CACNA1C: variants seen among roughly 807,000 people sequenced by gnomAD.
The protein encoded by CACNA1C is voltage-dependent L-type calcium channel subunit alpha-1C.
Under a neutral mutation model 229.0 loss-of-function variants are expected in CACNA1C, and 30 were observed. That is an observed-to-expected ratio of 0.13 (90% CI 0.10 to 0.18). The LOEUF (loss-of-function observed/expected upper bound fraction) is 0.18. CACNA1C is among the 10% of genes least tolerant of loss of function. CACNA1C has a pLI of 1.00. For missense variants in CACNA1C, 1,658 were observed against 2,845.0 expected, an observed-to-expected ratio of 0.58 and a Z score of 9.49; for synonymous variants, 1,114 against 1,132.5, an observed-to-expected ratio of 0.98 and a Z score of 0.33.
intron 1 of CACNA1C, among the ~76,000 whole-genome samples, chr12:1,981,228 C>T (rs1331363559): frequency 2.0e-5 from 3 of 152,152 alleles, no homozygotes; most frequent in Admixed American, 6.5e-5. Context: ...CTCACTGCTT[C>T]GGGTTTCTAC....
chr12:2,178,742 T>A (rs994036789), intron 3 of CACNA1C, among the ~76,000 whole-genome samples: 4 of 152,076 alleles, frequency 2.6e-5, no homozygotes. Context: ...TCTTCCCCCG[T>A]ACAAATTCAC....
rs541705112 is a variant in CACNA1C, at chr12:2,634,279, C to T, written c.3829-18C>T. The stretch of plus-strand genomic sequence containing the variant: ...TGGTTCTTCTTCTCTCTCTCCCCGG[C>T]TGCTCTGCCCCATGCAGCACTATTT... On this transcript the variant is annotated intron_variant, in intron 29 of 46. Coordinates refer to ENST00000399655, the MANE Select transcript of CACNA1C (RefSeq NM_000719.7). 43 of 1,414,478 alleles carry T rather than the reference C, an allele frequency of 3.0e-5. 1 individual carries two copies. In the South Asian group the frequency reaches 5.0e-4, roughly 16 times the overall value. 87.6% of individuals were successfully genotyped at this position (1,414,478 alleles called of 1,614,324 possible).
At chr12:2,561,474 T>C (rs2047456012) in intron 11 of CACNA1C, among the ~76,000 whole-genome samples, 1 of 152,188 alleles carries the variant, frequency 6.6e-6, no homozygotes, top group African/African-American at 2.4e-5. Context: ...AACTATTTCT[T>C]GGATGTGTAA....
chr12:1,981,185 G>A (rs1214546813), intron 1 of CACNA1C, among the ~76,000 whole-genome samples: 1 of 152,162 alleles, frequency 6.6e-6, no homozygotes, highest in African/African-American at 2.4e-5. Context: ...ACCTTGAGAA[G>A]CTGAGCGGCT....
chr12:2,171,581 C>A (rs2096482947), intron 3 of CACNA1C, among the ~76,000 whole-genome samples: 3 of 152,244 alleles, frequency 2.0e-5, no homozygotes, highest in Admixed American at 2.0e-4. Flanking sequence ...TCCTCCCTCC[C>A]TTCTTCGTTT....
rs1210475282 is a variant in CACNA1C at position 2,630,176 on chromosome 12, T to TG, written c.3829-4118dup. Among the ~76,000 whole-genome samples, 3 of 152,220 alleles carry TG rather than the reference T, an allele frequency of 2.0e-5. No homozygotes were observed. Among genetic ancestry groups the TG allele is most frequent in the Non-Finnish European group, 4.4e-5 (3 of 68,046 alleles). On this transcript the variant is annotated intron_variant, in intron 29 of 46. Transcript: ENST00000399655. The surrounding 1 kb of genome is among the most constrained non-coding windows in gnomAD (Gnocchi z 5.4). ...TCCAACCCCTTACTTCTCAACCATT[T>TG]GGGACACAGTCACCAGAGAAATAAG... is the stretch of plus-strand genomic sequence containing the variant.
chr12:2,581,866 G>T (rs1425113560), intron 14 of CACNA1C, 69 bp downstream of exon 14: 6 of 971,178 alleles, frequency 6.2e-6, no homozygotes, highest in Non-Finnish European at 9.7e-6. Flanking sequence ...GAGGAGTGTG[G>T]GAAGCTGCAC....
chr12:2,525,637 A>G (rs1404531147), intron 9 of CACNA1C, among the ~76,000 whole-genome samples: 2 of 121,408 alleles, frequency 1.6e-5, no homozygotes, highest in Non-Finnish European at 3.3e-5. Context: ...ATTCCAAGCA[A>G]CTCAGCCTAT....
intron 3 of CACNA1C, among the ~76,000 whole-genome samples, chr12:2,223,749 C>A (rs191726430): frequency 6.6e-6 from 1 of 152,080 alleles, no homozygotes; most frequent in Non-Finnish European, 1.5e-5. Context: ...TTGTACCCTA[C>A]GTACATTAGA....
At position 2,582,886 on chromosome 12, in the gene CACNA1C, C is replaced by T; in HGVS notation, c.2168C>T (p.Ser723Phe). ...YDGIMAYGGP[S>F]FPGMLVCIYF... ...GGGATCATGGCTTATGGCGGCCCCT[C>T]TTTTCCAGGGATGTTAGTCTGTATT... is the stretch of plus-strand genomic sequence containing the variant. The change falls in exon 15 of 47, where the codon TCT becomes TTT. Residue 723 changes from serine (S) to phenylalanine (F), a missense_variant. By Grantham distance (155) the Ser-to-Phe change is radical (BLOSUM62 -2). Coordinates refer to ENST00000399655, the MANE Select transcript of CACNA1C (RefSeq NM_000719.7). 6.2e-7 allele frequency: 1 copy of T among 1,608,526 alleles called. No homozygotes were observed. The highest frequency in any genetic ancestry group is 8.5e-7 in the Non-Finnish European group (1 of 1,176,952).
At chr12:2,107,110 A>G in intron 1 of CACNA1C, among the ~76,000 whole-genome samples, 1 of 127,730 alleles carries the variant, frequency 7.8e-6, no homozygotes, top group Non-Finnish European at 1.7e-5. Context: ...GGTGTCCTGA[A>G]GCCACTGGGT....
chr12:2,365,299 C>A (rs772146756), intron 3 of CACNA1C, among the ~76,000 whole-genome samples: 1 of 152,116 alleles, frequency 6.6e-6, no homozygotes. Flanking sequence ...CAAAAGAAAT[C>A]GGTAATTTTA....
chr12:2,321,441 T>G (rs2095993276), intron 3 of CACNA1C, among the ~76,000 whole-genome samples: 1 of 152,164 alleles, frequency 6.6e-6, no homozygotes, highest in African/African-American at 2.4e-5. Context: ...GCAATACTGC[T>G]TAGCCTTGTG....
rs548852817 is a variant in CACNA1C, at chr12:2,045,323, A to G, written c.140-69901A>G. Among the ~76,000 whole-genome samples, 27 of 152,346 alleles carry G rather than the reference A, an allele frequency of 1.8e-4. No homozygotes were observed. In the South Asian group the frequency reaches 5.6e-3, roughly 32 times the overall value. ...AGCTTCCTTTGAGAAGACATTTTCT[A>G]TCTAGCTCCATTGAATACGTTTGAA... On this transcript the variant is annotated intron_variant, in intron 1 of 46. Transcript: ENST00000682462.
chr12:2,397,708 C>A (rs2098608092), intron 3 of CACNA1C, among the ~76,000 whole-genome samples: 2 of 152,238 alleles, frequency 1.3e-5, no homozygotes, highest in African/African-American at 4.8e-5. Flanking sequence ...GATGGAAACA[C>A]CCCATCACCT....
At chr12:2,178,977 G>A (rs1216362683) in intron 3 of CACNA1C, among the ~76,000 whole-genome samples, 6 of 152,062 alleles carry the variant, frequency 3.9e-5, no homozygotes, top group East Asian at 3.9e-4. Context: ...CAGGAGAATC[G>A]CTTGAACCCA....
At chr12:2,276,557 A>T (rs1566829124) in intron 3 of CACNA1C, among the ~76,000 whole-genome samples, 2 of 152,182 alleles carry the variant, frequency 1.3e-5, no homozygotes, top group Non-Finnish European at 2.9e-5. Flanking sequence ...TTCTTGCTAG[A>T]ACCTTTAGAG....
intron 3 of CACNA1C, among the ~76,000 whole-genome samples, chr12:2,369,642 G>A (rs888291989): frequency 7.2e-5 from 11 of 152,096 alleles, no homozygotes; most frequent in African/African-American, 2.7e-4. Flanking sequence ...GACCTCAGGT[G>A]ATCCTCCCGC....
In CACNA1C at chr12:2,192,999, C is replaced by T. The variant is rs116463401; in HGVS notation, c.477+72569C>T. Among the ~76,000 whole-genome samples the T allele has an allele frequency of 4.5e-3, 690 of 152,340 alleles. 6 individuals carry two copies. The highest frequency in any genetic ancestry group is 0.015 in the African/African-American group (603 of 41,576). Reference sequence around the variant, plus strand: ...TCTGTTTGAGCAGATTTCCCCACCTCGGATTCAAGATGTCATTCCATGTAG... The same window carrying T: ...TCTGTTTGAGCAGATTTCCCCACCTTGGATTCAAGATGTCATTCCATGTAG... On this transcript the variant is annotated intron_variant, in intron 3 of 46. Coordinates refer to ENST00000399655, the MANE Select transcript of CACNA1C (RefSeq NM_000719.7).
Sources: gnomAD v4.1 joint callset for allele counts (sites outside exome capture counted in the v4.1 genomes callset) on GRCh38, gnomAD v4.1.1 for gene constraint, Gnocchi (gnomAD v3.1) non-coding constraint, MANE v1.5 for transcripts, NCBI Gene and HGNC (gene_info 2026-07-23, HGNC 2026-07-21) for gene names.